Variants in HYCC1 observed in about 807,000 individuals in gnomAD.
HYCC1 encodes the protein hyccin PI4KA lipid kinase complex subunit 1.
the HYCC1 span, chr7:22,945,820 G>T: frequency 1.2e-6 from 2 of 1,613,766 alleles, no homozygotes; most frequent in East Asian, 2.2e-5. Flanking sequence ...CAGTCGCTGC[G>T]GTCTTAGCCA....
the HYCC1 span, among the ~76,000 whole-genome samples, chr7:22,905,637 TATC>T: frequency 2.0e-5 from 3 of 152,038 alleles, no homozygotes; most frequent in Admixed American, 2.0e-4. Context: ...AAAGTGCTAT[TATC>T]ATCCTGTAAG....
chr7:22,909,668 ACAT>A, the HYCC1 span, among the ~76,000 whole-genome samples: 2 of 152,150 alleles, frequency 1.3e-5, no homozygotes, highest in East Asian at 3.8e-4. Flanking sequence ...TGCTCTGAAC[ACAT>A]CAAGGTCTTT....
At chr7:22,996,122 C>G in the HYCC1 span, among the ~76,000 whole-genome samples, 1 of 151,738 alleles carries the variant, frequency 6.6e-6, no homozygotes, top group Non-Finnish European at 1.5e-5. Flanking sequence ...AGTGAAACCC[C>G]TCTGTACTAA....
the HYCC1 span, among the ~76,000 whole-genome samples, chr7:22,898,039 G>GTTTC: frequency 1.3e-5 from 2 of 151,624 alleles, no homozygotes; most frequent in Admixed American, 6.6e-5. Flanking sequence ...GATTCCAAAT[G>GTTTC]TTTCTTTCTT....
the HYCC1 span, among the ~76,000 whole-genome samples, chr7:22,969,228 G>T: frequency 6.6e-6 from 1 of 151,914 alleles, no homozygotes; most frequent in Non-Finnish European, 1.5e-5. Flanking sequence ...AGGCTGGAGT[G>T]CAGTGGTGCA....
chr7:22,954,338 T>G, the HYCC1 span, among the ~76,000 whole-genome samples: 3 of 151,142 alleles, frequency 2.0e-5, no homozygotes, highest in Admixed American at 6.6e-5. Context: ...CAGCAGAAAT[T>G]TATTAGAATT....
chr7:22,954,725 G>A, the HYCC1 span, among the ~76,000 whole-genome samples: 6 of 151,364 alleles, frequency 4.0e-5, no homozygotes, highest in African/African-American at 1.2e-4. Context: ...CATTAAGTTA[G>A]AAGACTTAGA....
chr7:22,933,979 A>C, the HYCC1 span, among the ~76,000 whole-genome samples: 1 of 152,178 alleles, frequency 6.6e-6, no homozygotes, highest in Non-Finnish European at 1.5e-5. Flanking sequence ...TAATTCAATC[A>C]ATCATTCAGT....
chr7:22,935,478 A>G, the HYCC1 span: 1 of 152,176 alleles, frequency 6.6e-6, no homozygotes, highest in African/African-American at 2.4e-5. Context: ...AGCCCAAAGC[A>G]TGGGAATTTC....
At chr7:22,978,121 C>T in the HYCC1 span, 19 of 721,558 alleles carry the variant, frequency 2.6e-5, no homozygotes, top group East Asian at 8.1e-5. Context: ...TCTCCCAATC[C>T]CCAGAAAGTT....
the HYCC1 span, among the ~76,000 whole-genome samples, chr7:23,002,836 T>C: frequency 6.6e-6 from 1 of 152,184 alleles, no homozygotes; most frequent in Non-Finnish European, 1.5e-5. Flanking sequence ...CACAGTTCTC[T>C]AGGCTAGGAG....
the HYCC1 span, chr7:22,934,201 T>C: frequency 4.7e-5 from 6 of 126,654 alleles, no homozygotes; most frequent in African/African-American, 1.7e-4. Context: ...CCGCCTCTTT[T>C]TTTTCTTTTT....
chr7:22,961,757 T>C, the HYCC1 span, among the ~76,000 whole-genome samples: 2 of 152,214 alleles, frequency 1.3e-5, no homozygotes, highest in Non-Finnish European at 2.9e-5. Flanking sequence ...GTTATTTCTT[T>C]GCATTCTGAT....
chr7:22,976,711 A>G, the HYCC1 span: 2 of 1,608,214 alleles, frequency 1.2e-6, no homozygotes, highest in African/African-American at 1.3e-5. Flanking sequence ...TGCTGTCAGC[A>G]TCTCCCTTTG....
At chr7:22,958,203 C>T in the HYCC1 span, among the ~76,000 whole-genome samples, 1 of 151,898 alleles carries the variant, frequency 6.6e-6, no homozygotes, top group Non-Finnish European at 1.5e-5. Context: ...CAAATTCAGC[C>T]GAACATGGTA....
the HYCC1 span, among the ~76,000 whole-genome samples, chr7:22,993,521 G>C: frequency 6.6e-6 from 1 of 152,092 alleles, no homozygotes; most frequent in Admixed American, 6.5e-5. Context: ...CTCATATCCA[G>C]AATATATAAG....
the HYCC1 span, among the ~76,000 whole-genome samples, chr7:22,912,002 A>T: frequency 3.3e-5 from 5 of 152,344 alleles, no homozygotes; most frequent in African/African-American, 1.2e-4. Flanking sequence ...GAAGACCACA[A>T]AATGTTTTTA....
At chr7:22,947,428 C>A in the HYCC1 span, among the ~76,000 whole-genome samples, 15 of 152,152 alleles carry the variant, frequency 9.9e-5, no homozygotes, top group East Asian at 2.5e-3. Flanking sequence ...ACAATAGGGT[C>A]ATATTCTTTA....
the HYCC1 span, among the ~76,000 whole-genome samples, chr7:22,969,152 C>T: frequency 2.0e-5 from 3 of 152,118 alleles, no homozygotes; most frequent in Admixed American, 6.6e-5. Context: ...CTGGATCCAG[C>T]TGACCCTGAG....
Sources: allele counts gnomAD v4.1 joint callset (sites outside exome capture counted in the v4.1 genomes callset), GRCh38; gene constraint gnomAD v4.1.1; transcripts MANE v1.5; gene names NCBI Gene and HGNC (gene_info 2026-07-23, HGNC 2026-07-21).